Variants in CSMD3 observed in about 807,000 individuals in gnomAD.
The protein encoded by CSMD3 is CUB and sushi domain-containing protein 3.
A neutral mutation model predicts 435.2 loss-of-function variants in CSMD3; 177 were observed. That is an observed-to-expected ratio of 0.41 (90% confidence interval 0.36 to 0.46). The LOEUF is 0.46. Among genes scored for constraint, CSMD3 ranks in the 20% least tolerant of loss-of-function variants. The pLI, the probability that CSMD3 is intolerant of heterozygous loss-of-function variation, is 0.34. For missense variants in CSMD3, 4,265 were observed against 4,504.6 expected (o/e 0.95, Z 1.52); for synonymous variants, 1,656 against 1,520.5 (o/e 1.09, Z -2.07).
intron 3 of CSMD3, among the ~76,000 whole-genome samples, chr8:113,217,372 T>G (rs1384236575): frequency 2.0e-5 from 3 of 151,190 alleles, no homozygotes; most frequent in Non-Finnish European, 4.4e-5. Flanking sequence ...AAAATAGGAT[T>G]CAACAGAAAC....
intron 9 of CSMD3, among the ~76,000 whole-genome samples, chr8:112,925,743 A>C (rs1564111374): frequency 6.6e-6 from 1 of 152,158 alleles, no homozygotes; most frequent in Non-Finnish European, 1.5e-5. Context: ...CTACCTTACT[A>C]TTTTATCTTA....
intron 32 of CSMD3, among the ~76,000 whole-genome samples, chr8:112,424,803 T>C (rs1054679078): frequency 2.0e-5 from 3 of 152,180 alleles, no homozygotes; most frequent in Non-Finnish European, 4.4e-5. Context: ...GCAGTTCTCC[T>C]GCCTCAACCT....
At chr8:112,250,045 G>A (rs79446459) in intron 63 of CSMD3, among the ~76,000 whole-genome samples, 9 of 152,106 alleles carry the variant, frequency 5.9e-5, no homozygotes, top group South Asian at 2.1e-4. Context: ...AATATTTAAC[G>A]TCTATCAGTT....
intron 10 of CSMD3, among the ~76,000 whole-genome samples, chr8:112,872,539 C>G (rs1170781907): frequency 6.6e-6 from 1 of 151,852 alleles, no homozygotes; most frequent in Admixed American, 6.6e-5. Flanking sequence ...ACAGATTTTT[C>G]AAGGTAAAAA....
intron 6 of CSMD3, among the ~76,000 whole-genome samples, chr8:112,988,150 G>A (rs2085322435): frequency 6.6e-6 from 1 of 151,936 alleles, no homozygotes; most frequent in African/African-American, 2.4e-5. Context: ...TCGCTACAAA[G>A]GCCTATTGGA....
intron 1 of CSMD3, among the ~76,000 whole-genome samples, chr8:113,395,225 C>A (rs891594398): frequency 6.6e-6 from 1 of 152,064 alleles, no homozygotes; most frequent in African/African-American, 2.4e-5. Flanking sequence ...TAATTAATAA[C>A]TTTAATGAAA....
At chr8:113,343,731 A>G (rs1021628010) in intron 1 of CSMD3, among the ~76,000 whole-genome samples, 6 of 152,154 alleles carry the variant, frequency 3.9e-5, no homozygotes, top group Admixed American at 6.5e-5. Context: ...AACATATTAC[A>G]CATAAGGAAA....
intron 3 of CSMD3, among the ~76,000 whole-genome samples, chr8:113,266,644 A>G (rs1468481291): frequency 6.6e-6 from 1 of 151,622 alleles, no homozygotes; most frequent in Non-Finnish European, 1.5e-5. Flanking sequence ...AACTTAATAA[A>G]TGTTTCTTAG....
Position 112,696,014 on chromosome 8 carries a change from C to T in CSMD3, c.1973-5964G>A, listed in dbSNP as rs535727361. ...GAGAATAAAATACCTAAGAATCCAA[C>T]CTACAAGGGATGTGAAGGACCTCTT... On this transcript the variant is annotated intron_variant, in intron 13 of 70. Transcript: ENST00000297405. Among the ~76,000 whole-genome samples, 134 of 152,234 alleles carry T rather than the reference C, an allele frequency of 8.8e-4. 1 individual carries two copies. The highest frequency in any genetic ancestry group is 1.5e-3 in the Non-Finnish European group (104 of 68,026).
chr8:113,103,824 T>G (rs1156881735), intron 4 of CSMD3, among the ~76,000 whole-genome samples: 1 of 152,086 alleles, frequency 6.6e-6, no homozygotes, highest in Non-Finnish European at 1.5e-5. Flanking sequence ...TTAGTTGTAT[T>G]AAAGTGAAAA....
intron 22 of CSMD3, among the ~76,000 whole-genome samples, chr8:112,617,962 T>TGTAC (rs1833786644): frequency 6.6e-6 from 1 of 152,114 alleles, no homozygotes; most frequent in Non-Finnish European, 1.5e-5. Context: ...AACTCCTTTA[T>TGTAC]GTACCTCTTT....
At chr8:112,708,636 G>C (rs911309613) in intron 13 of CSMD3, among the ~76,000 whole-genome samples, 2 of 148,728 alleles carry the variant, frequency 1.3e-5, no homozygotes, top group African/African-American at 4.9e-5. Flanking sequence ...TGGGTTGTTA[G>C]GGTAATGCTT....
intron 29 of CSMD3, 58 bp from the exon 30 acceptor site, chr8:112,504,035 G>C: frequency 9.2e-7 from 1 of 1,090,344 alleles, no homozygotes; most frequent in Non-Finnish European, 1.4e-6. Flanking sequence ...ATTATTATTA[G>C]GCTGTTAACC....
intron 42 of CSMD3, 148 bp from the exon 43 acceptor site, chr8:112,337,879 T>C (rs539010746): frequency 1.7e-6 from 1 of 600,820 alleles, no homozygotes; most frequent in South Asian, 2.2e-5. Context: ...ATAAATGCTG[T>C]CAATGACCTG....
At chr8:113,077,733 T>C (rs1022841566) in intron 5 of CSMD3, among the ~76,000 whole-genome samples, 3 of 151,982 alleles carry the variant, frequency 2.0e-5, no homozygotes, top group African/African-American at 7.2e-5. Context: ...AACTCTAAGA[T>C]ACACTTCCAA....
chr8:112,719,200 A>G (rs1235501698), intron 13 of CSMD3, among the ~76,000 whole-genome samples: 2 of 152,178 alleles, frequency 1.3e-5, no homozygotes, highest in Admixed American at 1.3e-4. Flanking sequence ...AGATTAGAAG[A>G]CTAAGTAAAA....
chr8:112,662,744 G>A (rs1312281432), intron 17 of CSMD3, among the ~76,000 whole-genome samples: 4 of 151,928 alleles, frequency 2.6e-5, no homozygotes, highest in African/African-American at 4.8e-5. Context: ...GCAACCTACA[G>A]AATGGGAGAA....
chr8:112,823,993 A>T (rs1410711171), intron 12 of CSMD3, among the ~76,000 whole-genome samples: 3 of 152,146 alleles, frequency 2.0e-5, no homozygotes, highest in Non-Finnish European at 2.9e-5. Context: ...TGTTGTATGA[A>T]TCTGGGTGCT....
chr8:113,202,058 G>A (rs1294569035), intron 3 of CSMD3, among the ~76,000 whole-genome samples: 2 of 151,948 alleles, frequency 1.3e-5, no homozygotes, highest in Non-Finnish European at 2.9e-5. Context: ...CTCTATTGAT[G>A]GCGCTTTCAC....
Sources: gnomAD v4.1 joint callset for allele counts (sites outside exome capture counted in the v4.1 genomes callset) on GRCh38, gnomAD v4.1.1 for gene constraint, MANE v1.5 for transcripts, NCBI Gene and HGNC (gene_info 2026-07-23, HGNC 2026-07-21) for gene names.